RALGPS1: variants seen among roughly 807,000 people sequenced by gnomAD.
RALGPS1 encodes the protein Ral GEF with PH domain and SH3 binding motif 1.
In RALGPS1, 19 loss-of-function variants were observed where a neutral mutation model predicts 78.8. The ratio of observed to expected loss-of-function variants is 0.24; its 90% confidence interval spans 0.17 to 0.35. The LOEUF (loss-of-function observed/expected upper bound fraction) is 0.35, where lower values mean the gene tolerates loss of function less well. Ranked by LOEUF, RALGPS1 falls within the 10% of genes least tolerant of loss-of-function variation. RALGPS1 has a pLI of 1.00. For missense variants in RALGPS1, 454 were observed against 688.3 expected, an observed-to-expected ratio of 0.66 and a Z score of 3.81; for synonymous variants, 228 against 256.3, an observed-to-expected ratio of 0.89 and a Z score of 1.06.
intron 10 of RALGPS1, among the ~76,000 whole-genome samples, chr9:127,171,231 G>T (rs913846588): frequency 1.3e-5 from 2 of 152,138 alleles, no homozygotes; most frequent in Non-Finnish European, 2.9e-5. Context: ...ATTTTTCTAT[G>T]CATAGAAAAT....
chr9:127,189,971 TTAAA>T (rs2060936941), intron 11 of RALGPS1, among the ~76,000 whole-genome samples: 1 of 152,246 alleles, frequency 6.6e-6, no homozygotes, highest in Admixed American at 6.5e-5. Flanking sequence ...TAGTCTCACT[TTAAA>T]TAATGAAATA....
intron 8 of RALGPS1, among the ~76,000 whole-genome samples, chr9:127,134,271 T>A (rs938827492): frequency 6.6e-6 from 1 of 152,130 alleles, no homozygotes; most frequent in Non-Finnish European, 1.5e-5. Flanking sequence ...AAGCAGCAGA[T>A]AAATAGAATC....
chr9:126,993,306 C>A (rs1674365718), intron 4 of RALGPS1, among the ~76,000 whole-genome samples: 1 of 152,110 alleles, frequency 6.6e-6, no homozygotes, highest in South Asian at 2.1e-4. Context: ...ATTTCTGCAT[C>A]TGTGTTTGTA....
intron 8 of RALGPS1, among the ~76,000 whole-genome samples, chr9:127,146,377 C>T (rs2058093335): frequency 1.3e-5 from 2 of 152,110 alleles, no homozygotes; most frequent in South Asian, 4.2e-4. Context: ...CCAACTATAT[C>T]CGTGTTGCTT....
At chr9:126,975,741 C>T (rs2040547569) in intron 3 of RALGPS1, among the ~76,000 whole-genome samples, 1 of 152,136 alleles carries the variant, frequency 6.6e-6, no homozygotes, top group Admixed American at 6.5e-5. Context: ...GCTTACTGGC[C>T]ACTCAACACC....
intron 7 of RALGPS1, among the ~76,000 whole-genome samples, chr9:127,067,661 G>A (rs556504045): frequency 6.6e-6 from 1 of 152,328 alleles, no homozygotes; most frequent in Non-Finnish European, 1.5e-5. Context: ...TCTTGTTCTA[G>A]GTTCTTGCAC....
intron 14 of RALGPS1, among the ~76,000 whole-genome samples, chr9:127,203,028 A>G (rs151107678): frequency 2.6e-5 from 4 of 152,348 alleles, no homozygotes; most frequent in African/African-American, 9.6e-5. Context: ...AGTCAGGAGC[A>G]GCAGTAATGG....
At chr9:127,177,777 C>T in intron 11 of RALGPS1, 1 of 1,529,242 alleles carries the variant, frequency 6.5e-7, no homozygotes, top group South Asian at 1.2e-5. Flanking sequence ...CCTCCTTTGA[C>T]CCCTGACTGT....
chr9:127,076,249 T>G (rs938745577), intron 8 of RALGPS1, among the ~76,000 whole-genome samples: 17 of 152,180 alleles, frequency 1.1e-4, no homozygotes, highest in African/African-American at 4.1e-4. Flanking sequence ...CTGTATTGAT[T>G]TAGGGGGTGT....
At chr9:127,022,988 T>C (rs562421168) in intron 4 of RALGPS1, among the ~76,000 whole-genome samples, 54 of 152,352 alleles carry the variant, frequency 3.5e-4, no homozygotes, top group Middle Eastern at 3.4e-3. Context: ...TTAATTTTGG[T>C]GAATAAATGA....
chr9:127,194,849 A>AC (rs1283988262), intron 11 of RALGPS1, among the ~76,000 whole-genome samples: 10 of 152,210 alleles, frequency 6.6e-5, no homozygotes, highest in Non-Finnish European at 1.3e-4. Context: ...GGACAGCAGG[A>AC]CATTGACCAT....
chr9:126,919,166 C>T (rs550341300), intron 1 of RALGPS1, among the ~76,000 whole-genome samples: 1 of 152,252 alleles, frequency 6.6e-6, no homozygotes, highest in Non-Finnish European at 1.5e-5. Flanking sequence ...ACTTGATTTA[C>T]TTTGGACATT....
At chr9:126,963,445 A>G (rs905572678) in intron 2 of RALGPS1, among the ~76,000 whole-genome samples, 2 of 152,172 alleles carry the variant, frequency 1.3e-5, no homozygotes, top group African/African-American at 4.8e-5. Context: ...ATATGTACAT[A>G]TATGTGTATC....
chr9:127,204,014 C>T (rs938627791), intron 14 of RALGPS1, among the ~76,000 whole-genome samples: 6 of 152,216 alleles, frequency 3.9e-5, no homozygotes, highest in Admixed American at 3.9e-4. Context: ...GCCAGCCATG[C>T]GGGGGGACCT....
chr9:127,100,704 C>A (rs2053634789), intron 8 of RALGPS1, among the ~76,000 whole-genome samples: 1 of 152,154 alleles, frequency 6.6e-6, no homozygotes, highest in Admixed American at 6.5e-5. Flanking sequence ...TGGTGCTGTC[C>A]TGCAGGCACA....
chr9:126,941,617 C>T (rs2036799873), intron 1 of RALGPS1, among the ~76,000 whole-genome samples: 1 of 152,162 alleles, frequency 6.6e-6, no homozygotes, highest in Non-Finnish European at 1.5e-5. Flanking sequence ...CTAGAATATA[C>T]TGGGGGTTTT....
chr9:127,152,852 G>A (rs988953488), intron 8 of RALGPS1, among the ~76,000 whole-genome samples: 3 of 152,072 alleles, frequency 2.0e-5, no homozygotes, highest in African/African-American at 7.2e-5. Context: ...CTTCATTGAG[G>A]GCCAACATTA....
intron 4 of RALGPS1, among the ~76,000 whole-genome samples, chr9:127,034,219 A>G (rs1000641251): frequency 5.3e-5 from 8 of 152,158 alleles, no homozygotes; most frequent in Non-Finnish European, 1.2e-4. Context: ...AGAGTTGTTG[A>G]GAAAAGTAAT....
rs2062731704 is a variant in RALGPS1 at position 127,219,987 on chromosome 9, TG to T, written c.*1219del. 6.5e-6 allele frequency: 1 copy of T among 152,696 alleles called. No individual in the cohort carries two copies. Among genetic ancestry groups the T allele is most frequent in the South Asian group, 2.1e-4 (1 of 4,834 alleles). The allele number at this position is 152,696 out of a possible 1,614,324, so 9.5% of individuals were successfully genotyped here. A position where few individuals can be genotyped will look rare whatever the true frequency, so the allele number is the denominator to read the frequency against. ...CCCGGGGAGTGAACGGTCCAACCTC[TG>T]CATTCAGTTAGGAGCTCTTCACATG... On this transcript the variant is annotated 3_prime_UTR_variant, in exon 19 of 19. Coordinates refer to ENST00000259351, the MANE Select transcript of RALGPS1 (RefSeq NM_014636.3). The surrounding 1 kb of genome is among the most constrained non-coding windows in gnomAD (Gnocchi z 5.0).
Sources: gnomAD v4.1 joint callset for allele counts (sites outside exome capture counted in the v4.1 genomes callset) on GRCh38, gnomAD v4.1.1 for gene constraint, Gnocchi (gnomAD v3.1) non-coding constraint, MANE v1.5 for transcripts, NCBI Gene and HGNC (gene_info 2026-07-23, HGNC 2026-07-21) for gene names.